The following ARHGEF10L variants were observed in gnomAD, a reference collection of about 807,000 sequenced individuals.
The protein encoded by ARHGEF10L is Rho guanine nucleotide exchange factor 10 like.
In ARHGEF10L, 69 loss-of-function variants were observed where a neutral mutation model predicts 141.2. The ratio of observed to expected loss-of-function variants is 0.49; its 90% CI spans 0.40 to 0.60. The LOEUF (loss-of-function observed/expected upper bound fraction) is 0.60. ARHGEF10L is among the 20% of genes least tolerant of loss of function. The probability of loss-of-function intolerance (pLI) is 0.00; values close to 1 mark genes in which losing one functional copy is unlikely to be tolerated. For missense variants in ARHGEF10L, 1,482 were observed against 1,734.3 expected, an observed-to-expected ratio of 0.85 and a Z score of 2.58; for synonymous variants, 711 against 718.5, an observed-to-expected ratio of 0.99 and a Z score of 0.17.
chr1:17,536,382 TA>T (rs1227814732), upstream of ARHGEF10L, among the ~76,000 whole-genome samples: 2 of 151,952 alleles, frequency 1.3e-5, no homozygotes, highest in Non-Finnish European at 2.9e-5. Context: ...GAGGCTGTGG[TA>T]GGGGGGTCAC....
In ARHGEF10L at chr1:17,697,548, T is replaced by C; in HGVS notation, c.*168T>C. On this transcript the variant is annotated 3_prime_UTR_variant, in exon 29 of 29. Transcript: ENST00000361221. This position sits in a 1 kb window ranked among gnomAD's most constrained non-coding sequence, Gnocchi z 4.8. Reference sequence around the variant, plus strand: ...TGTTTTAAAAAAATTTTTTTCAGAGTGTTTTGGGGAGGAGTTTTAGGGCTT... The same window carrying C: ...TGTTTTAAAAAAATTTTTTTCAGAGCGTTTTGGGGAGGAGTTTTAGGGCTT... 1.1e-6 allele frequency: 1 copy of C among 923,126 alleles called. No individual in the cohort carries two copies. Among genetic ancestry groups the C allele is most frequent in the Non-Finnish European group, 1.6e-6 (1 of 620,622 alleles). The allele number at this position is 923,126 out of a possible 1,614,324, so 57.2% of individuals were successfully genotyped here. A position where few individuals can be genotyped will look rare whatever the true frequency, so the allele number is the denominator to read the frequency against.
At chr1:17,560,421 C>T (rs956487045) in intron 1 of ARHGEF10L, among the ~76,000 whole-genome samples, 3 of 152,194 alleles carry the variant, frequency 2.0e-5, no homozygotes, top group Admixed American at 6.5e-5. Context: ...TTTCTGGCTC[C>T]ACTTTGCCTG....
chr1:17,659,002 T>C (rs559550312), intron 25 of ARHGEF10L, among the ~76,000 whole-genome samples: 1 of 152,260 alleles, frequency 6.6e-6, no homozygotes, highest in Non-Finnish European at 1.5e-5. Flanking sequence ...GCCATTTTGC[T>C]GGACAGCTGG....
chr1:17,637,899 C>G lies in ARHGEF10L; in HGVS notation c.1939C>G (p.Leu647Val), dbSNP rs757711645. ...ASGQAQNKVY[L>V]GPPRLFQELQ... ...TCTTCTCTGCCCAGATAAGGTGTAC[C>G]TCGGCCCCCCACGCCTCTTCCAGGA... Residue 647 changes from leucine to valine, a missense_variant, in exon 19 of 29, where the codon CTC becomes GTC. Around this residue, in one of 3 missense-constraint regions of ARHGEF10L, gnomAD observed 858 missense variants for 966.3 expected, o/e 0.89. Transcript: ENST00000361221. 7 of 1,589,518 alleles carry G rather than the reference C, an allele frequency of 4.4e-6. No individual in the cohort carries two copies. In the East Asian group the frequency reaches 1.6e-4, roughly 36 times the overall value.
At chr1:17,664,290 G>T (rs2062829558) in intron 25 of ARHGEF10L, among the ~76,000 whole-genome samples, 157 bp from the exon 26 acceptor site, 1 of 152,180 alleles carries the variant, frequency 6.6e-6, no homozygotes, top group African/African-American at 2.4e-5. Flanking sequence ...GGAGGCAGAT[G>T]GGGACAGCCA....
At chr1:17,521,840 G>A in the ARHGEF10L span, among the ~76,000 whole-genome samples, 3 of 152,246 alleles carry the variant, frequency 2.0e-5, no homozygotes, top group South Asian at 2.1e-4. Flanking sequence ...TGGTGAAGCT[G>A]AGGTTGGAAG....
At chr1:17,640,342 G>T in intron 21 of ARHGEF10L, 40 bp downstream of exon 21, 1 of 1,550,614 alleles carries the variant, frequency 6.4e-7, no homozygotes, top group Non-Finnish European at 8.8e-7. Context: ...GGGGGCAGGG[G>T]TGTGGAACGG....
At chr1:17,580,893 C>T (rs931641975) in intron 2 of ARHGEF10L, among the ~76,000 whole-genome samples, 10 of 152,140 alleles carry the variant, frequency 6.6e-5, no homozygotes, top group African/African-American at 1.2e-4. Flanking sequence ...GGTGAACACA[C>T]GGGGGTCTCA....
chr1:17,682,856 G>A lies in ARHGEF10L; in HGVS notation c.3010-4717G>A, dbSNP rs2064233024. Among the ~76,000 whole-genome samples, 2 of 152,148 alleles carry A rather than the reference G, an allele frequency of 1.3e-5. 1 individual carries two copies. Among genetic ancestry groups the A allele is most frequent in the South Asian group, 4.1e-4 (2 of 4,824 alleles). ...GGCCTCCCAGACCAGCCAAGGATGAGGGCACAGGTCTGGAGGTGCTTGGCC... is the reference window on the plus strand; with the variant it reads ...GGCCTCCCAGACCAGCCAAGGATGAAGGCACAGGTCTGGAGGTGCTTGGCC... On this transcript the variant is annotated intron_variant, in intron 26 of 28. Coordinates refer to ENST00000361221, the MANE Select transcript of ARHGEF10L (RefSeq NM_018125.4).
chr1:17,638,271 C>G (rs2101797691), intron 19 of ARHGEF10L, among the ~76,000 whole-genome samples: 1 of 152,352 alleles, frequency 6.6e-6, no homozygotes, highest in South Asian at 2.1e-4. Context: ...GCACAGTGGC[C>G]ATTCCGTTAT....
chr1:17,567,796 A>C (rs111491615), intron 1 of ARHGEF10L, among the ~76,000 whole-genome samples: 2 of 152,124 alleles, frequency 1.3e-5, no homozygotes, highest in African/African-American at 2.4e-5. Context: ...TGTGCTGACT[A>C]TGCGGATGCA....
chr1:17,653,059 C>T (rs2062023836), intron 22 of ARHGEF10L, among the ~76,000 whole-genome samples: 1 of 152,156 alleles, frequency 6.6e-6, no homozygotes, highest in African/African-American at 2.4e-5. Context: ...CATGAGAGGC[C>T]CTTGGTAAGC....
At chr1:17,539,561 G>C (rs1162204307), upstream of ARHGEF10L, among the ~76,000 whole-genome samples, 1 of 152,008 alleles carries the variant, frequency 6.6e-6, no homozygotes, top group East Asian at 2.0e-4. This position sits in a 1 kb window ranked among gnomAD's most constrained non-coding sequence, Gnocchi z 6.0. Context: ...GGCTCGCAGC[G>C]GGTCGGGGGA....
intron 27 of ARHGEF10L, among the ~76,000 whole-genome samples, chr1:17,693,386 G>A (rs2065243555): frequency 6.6e-6 from 1 of 152,202 alleles, no homozygotes; most frequent in Non-Finnish European, 1.5e-5. Flanking sequence ...GAGGTAAATG[G>A]ATTGGTGATG....
At chr1:17,631,334 C>G (rs2060678187) in intron 15 of ARHGEF10L, among the ~76,000 whole-genome samples, 1 of 152,152 alleles carries the variant, frequency 6.6e-6, no homozygotes, top group African/African-American at 2.4e-5. Flanking sequence ...GTTGGTGGCC[C>G]TGACACTAGC....
upstream of ARHGEF10L, among the ~76,000 whole-genome samples, chr1:17,537,794 A>T (rs1277324973): frequency 5.5e-5 from 8 of 145,288 alleles, no homozygotes; most frequent in African/African-American, 2.0e-4. Context: ...AGATGGGATG[A>T]TCTCTTGAGC....
chr1:17,517,080 G>A, the ARHGEF10L span, among the ~76,000 whole-genome samples: 2 of 152,148 alleles, frequency 1.3e-5, no homozygotes, highest in African/African-American at 4.8e-5. Context: ...AGTCAACCAG[G>A]CATGTGTTTA....
intron 21 of ARHGEF10L, among the ~76,000 whole-genome samples, chr1:17,645,812 A>C (rs549623265): frequency 7.5e-4 from 114 of 152,302 alleles, no homozygotes; most frequent in Middle Eastern, 3.4e-3. Flanking sequence ...TCTGCTGGCC[A>C]GCGTGGAGTG....
chr1:17,621,726 C>A lies in ARHGEF10L; in HGVS notation c.943-138C>A, dbSNP rs1181557470. 2 of 736,664 alleles carry A rather than the reference C, an allele frequency of 2.7e-6. No individual in the cohort carries two copies. The highest frequency in any genetic ancestry group is 4.7e-6 in the Non-Finnish European group (2 of 422,368). The allele number at this position is 736,664 out of a possible 1,614,324, so 45.6% of individuals were successfully genotyped here. A position where few individuals can be genotyped will look rare whatever the true frequency, so the allele number is the denominator to read the frequency against. On this transcript the variant is annotated intron_variant, in intron 10 of 28. Transcript: ENST00000361221. The surrounding 1 kb of genome is among the most constrained non-coding windows in gnomAD (Gnocchi z 4.1). ...GCAGGGGCTCTGGAAGGAAGAGTGGCCACCAGGCCCAGTGGTCCCAGGTGG... is the reference window on the plus strand; with the variant it reads ...GCAGGGGCTCTGGAAGGAAGAGTGGACACCAGGCCCAGTGGTCCCAGGTGG...
Sources: allele counts gnomAD v4.1 joint callset (sites outside exome capture counted in the v4.1 genomes callset), GRCh38; gene constraint gnomAD v4.1.1; regional missense constraint gnomAD v4.1.1; non-coding constraint Gnocchi (gnomAD v3.1); transcripts MANE v1.5; gene names NCBI Gene and HGNC (gene_info 2026-07-23, HGNC 2026-07-21).